STARD13: variants seen among roughly 807,000 people sequenced by gnomAD.
STARD13 encodes stAR-related lipid transfer protein 13.
Under a neutral mutation model 106.4 loss-of-function variants are expected in STARD13, and 62 were observed. The ratio of observed to expected loss-of-function variants is 0.58; its 90% CI spans 0.48 to 0.72. The LOEUF (loss-of-function observed/expected upper bound fraction) is 0.72. Ranked by LOEUF, STARD13 falls within the 30% of genes least tolerant of loss-of-function variation. The pLI is 0.00. For synonymous variants in STARD13, 565 were observed against 553.0 expected (o/e 1.02, Z -0.31); for missense variants, 1,387 against 1,424.0 (o/e 0.97, Z 0.42).
chr13:33,300,479 A>G (rs188941342), intron 1 of STARD13, among the ~76,000 whole-genome samples: 10 of 152,346 alleles, frequency 6.6e-5, no homozygotes, highest in Admixed American at 5.2e-4. Flanking sequence ...CCAACTTCGT[A>G]TGAATTAAAA....
At chr13:33,298,128 T>G (rs994641763) in intron 1 of STARD13, among the ~76,000 whole-genome samples, 9 of 122,136 alleles carry the variant, frequency 7.4e-5, no homozygotes, top group African/African-American at 2.8e-4. Flanking sequence ...ACAGTTTTTT[T>G]TTTTTTTTTT....
At chr13:33,364,617 C>T in the STARD13 span, among the ~76,000 whole-genome samples, 4 of 152,176 alleles carry the variant, frequency 2.6e-5, no homozygotes, top group African/African-American at 7.2e-5. Context: ...AGGCTGGGCG[C>T]GGTGGCTCAC....
At chr13:33,662,842 G>T in the STARD13 span, among the ~76,000 whole-genome samples, 1 of 152,106 alleles carries the variant, frequency 6.6e-6, no homozygotes, top group Non-Finnish European at 1.5e-5. Flanking sequence ...TTCCCAAGGA[G>T]GAAATATAAA....
At chr13:33,188,901 T>G (rs1238615089) in intron 1 of STARD13, among the ~76,000 whole-genome samples, 1 of 152,204 alleles carries the variant, frequency 6.6e-6, no homozygotes, top group Non-Finnish European at 1.5e-5. Flanking sequence ...ATGAAATCCC[T>G]TAGACTTTTG....
At chr13:33,427,594 T>C in the STARD13 span, among the ~76,000 whole-genome samples, 2 of 152,178 alleles carry the variant, frequency 1.3e-5, no homozygotes, top group Non-Finnish European at 2.9e-5. Flanking sequence ...ACTTGTGCTG[T>C]TCAAAATGGT....
the STARD13 span, among the ~76,000 whole-genome samples, chr13:33,505,727 A>C: frequency 6.6e-6 from 1 of 152,166 alleles, no homozygotes; most frequent in South Asian, 2.1e-4. Flanking sequence ...AGTGACAAAA[A>C]TAACAGATAG....
Position 33,118,227 on chromosome 13 carries a change from T to G in STARD13, c.2119A>C (p.Ile707Leu), listed in dbSNP as rs773938403. The change falls in exon 8 of 14, where the codon ATC becomes CTC. Residue 707 changes from isoleucine (I) to leucine (L), a missense_variant. Coordinates refer to ENST00000336934, the MANE Select transcript of STARD13 (RefSeq NM_178006.4). ...LFRKSGVKSR[I>L]HALRQMNENF... Reference sequence around the variant, plus strand: ...TCATTCATTTGGCGAAGGGCATGGATTCGAGACTTCACTCCTGATTTGCGA... The same window carrying G: ...TCATTCATTTGGCGAAGGGCATGGAGTCGAGACTTCACTCCTGATTTGCGA... 6.2e-7 allele frequency: 1 copy of G among 1,614,192 alleles called. No homozygotes were observed. The highest frequency in any genetic ancestry group is 1.1e-5 in the South Asian group (1 of 91,072).
intron 3 of STARD13, among the ~76,000 whole-genome samples, chr13:33,151,960 G>A (rs139429604): frequency 1.7e-4 from 26 of 152,284 alleles, no homozygotes; most frequent in African/African-American, 5.8e-4. Context: ...TGAACATGCC[G>A]TTAAACACAG....
At chr13:33,152,772 C>G (rs1297868135) in intron 3 of STARD13, among the ~76,000 whole-genome samples, 2 of 152,208 alleles carry the variant, frequency 1.3e-5, no homozygotes, top group Admixed American at 1.3e-4. Flanking sequence ...TCTGCTGTCT[C>G]CCTTGTGCTC....
At chr13:33,182,514 C>T (rs754589156) in intron 1 of STARD13, among the ~76,000 whole-genome samples, 13 of 152,174 alleles carry the variant, frequency 8.5e-5, no homozygotes, top group Non-Finnish European at 1.6e-4. Flanking sequence ...CTTTTGGCTT[C>T]CCCGGACCAC....
In STARD13 at chr13:33,157,302, T is replaced by C. The variant is rs117819829; in HGVS notation, c.323+8035A>G. Among the ~76,000 whole-genome samples, 45 of 152,116 alleles carry C rather than the reference T, an allele frequency of 3.0e-4. No homozygotes were observed. The East Asian group carries it at 5.6e-3, about 19-fold the overall frequency. On this transcript the variant is annotated intron_variant, in intron 3 of 13. Transcript: ENST00000336934. Reference sequence around the variant, plus strand: ...AAGGTGAATGCCCTTGTTTTGCATGTGCTATAATTAATTAGTATTTATTAA... The same window carrying C: ...AAGGTGAATGCCCTTGTTTTGCATGCGCTATAATTAATTAGTATTTATTAA...
chr13:33,472,774 T>C, the STARD13 span, among the ~76,000 whole-genome samples: 1 of 152,142 alleles, frequency 6.6e-6, no homozygotes, highest in African/African-American at 2.4e-5. Context: ...ACAGAATATG[T>C]GCAGACAAAT....
the STARD13 span, among the ~76,000 whole-genome samples, chr13:33,357,704 G>A: frequency 6.6e-6 from 1 of 152,214 alleles, no homozygotes; most frequent in African/African-American, 2.4e-5. Flanking sequence ...GCCGAGGTGG[G>A]TAGATCACTT....
chr13:33,497,944 A>G, the STARD13 span, among the ~76,000 whole-genome samples: 3 of 152,230 alleles, frequency 2.0e-5, no homozygotes, highest in East Asian at 5.8e-4. Flanking sequence ...CAGACATGCA[A>G]AACTCTGTAA....
intron 1 of STARD13, among the ~76,000 whole-genome samples, chr13:33,292,839 C>G (rs949315423): frequency 2.0e-5 from 3 of 152,154 alleles, no homozygotes; most frequent in African/African-American, 7.2e-5. Flanking sequence ...CAGACCATGT[C>G]AGCACTTTCC....
intron 1 of STARD13, among the ~76,000 whole-genome samples, chr13:33,299,142 G>T (rs1892615899): frequency 6.6e-6 from 1 of 152,192 alleles, no homozygotes; most frequent in Non-Finnish European, 1.5e-5. Context: ...CAGGTTTGTA[G>T]CCTAGGAGCA....
the STARD13 span, among the ~76,000 whole-genome samples, chr13:33,499,090 A>G: frequency 6.6e-6 from 1 of 152,226 alleles, no homozygotes. Context: ...GTGAGCCAAG[A>G]TCACGCCATT....
the STARD13 span, among the ~76,000 whole-genome samples, chr13:33,471,183 A>G: frequency 6.6e-6 from 1 of 152,212 alleles, no homozygotes; most frequent in African/African-American, 2.4e-5. Context: ...CTACTGCTGG[A>G]ATGATATTAA....
chr13:33,541,410 C>G, the STARD13 span, among the ~76,000 whole-genome samples: 1 of 152,152 alleles, frequency 6.6e-6, no homozygotes. Context: ...CTCCTTCTTG[C>G]CCTATTTCTG....
Sources: gnomAD v4.1 joint callset for allele counts (sites outside exome capture counted in the v4.1 genomes callset) on GRCh38, gnomAD v4.1.1 for gene constraint, MANE v1.5 for transcripts, NCBI Gene and HGNC (gene_info 2026-07-23, HGNC 2026-07-21) for gene names.